The following PLAAT2 variants were observed in gnomAD, a reference collection of about 807,000 sequenced individuals.
PLAAT2 encodes HRAS like suppressor 2.
A neutral mutation model predicts 12.8 loss-of-function variants in PLAAT2; 12 were observed. The observed-to-expected ratio is 0.94, with a 90% confidence interval of 0.60 to 1.52. PLAAT2 has a LOEUF of 1.52. Ranked by LOEUF, PLAAT2 falls within the 40% of genes most tolerant of loss-of-function variation. The pLI is 0.00. For synonymous variants in PLAAT2, 79 were observed against 86.8 expected, an observed-to-expected ratio of 0.91 and a Z score of 0.50; for missense variants, 166 against 208.1, an observed-to-expected ratio of 0.80 and a Z score of 1.24.
At chr11:63,559,821 C>T (rs968264864) in intron 2 of PLAAT2, among the ~76,000 whole-genome samples, 3 of 152,226 alleles carry the variant, frequency 2.0e-5, no homozygotes, top group East Asian at 1.9e-4. Flanking sequence ...GGAGATCCCA[C>T]GGAGGGATGC....
chr11:63,555,868 T>C (rs1484569368), intron 3 of PLAAT2, among the ~76,000 whole-genome samples: 3 of 152,218 alleles, frequency 2.0e-5, no homozygotes, highest in African/African-American at 7.2e-5. Flanking sequence ...GTATCTATGT[T>C]TCAAAGGGAC....
chr11:63,557,853 C>T (rs962500547), intron 3 of PLAAT2, among the ~76,000 whole-genome samples: 1 of 152,174 alleles, frequency 6.6e-6, no homozygotes, highest in African/African-American at 2.4e-5. Context: ...CTCCTTATTG[C>T]CCCCGTTCCC....
At chr11:63,555,967 G>C (rs775082400) in intron 3 of PLAAT2, among the ~76,000 whole-genome samples, 10 of 152,200 alleles carry the variant, frequency 6.6e-5, no homozygotes, top group Admixed American at 1.3e-4. Flanking sequence ...AGAACAAATG[G>C]TAAATTCTCC....
intron 3 of PLAAT2, among the ~76,000 whole-genome samples, chr11:63,558,134 G>A (rs925061293): frequency 1.2e-4 from 19 of 152,156 alleles, no homozygotes; most frequent in Non-Finnish European, 5.9e-5. Flanking sequence ...CTAGGGCTGT[G>A]GAGGGCTGTT....
In PLAAT2 at chr11:63,563,335, A is replaced by G. The variant is rs753387043; in HGVS notation, c.-11T>C. The G allele has an allele frequency of 2.5e-6, 4 of 1,614,044 alleles. No individual in the cohort carries two copies. The highest frequency in any genetic ancestry group is 2.7e-5 in the African/African-American group (2 of 74,918). On this transcript the variant is annotated 5_prime_UTR_variant, in exon 1 of 4. Transcript: ENST00000255695. ...ACTTACCAAAGCCATCCTTCCTTCA[A>G]GATGATGTCTTGTGTGTTGCTGACT...
chr11:63,556,140 C>G (rs2017464335), intron 3 of PLAAT2, among the ~76,000 whole-genome samples: 1 of 152,096 alleles, frequency 6.6e-6, no homozygotes, highest in African/African-American at 2.4e-5. Context: ...TTTCACAAGT[C>G]CACTTTCTTA....
At chr11:63,553,862 C>T (rs1437569237) in intron 3 of PLAAT2, among the ~76,000 whole-genome samples, 1 of 152,276 alleles carries the variant, frequency 6.6e-6, no homozygotes, top group East Asian at 1.9e-4. Context: ...GCTGATCCCA[C>T]TGCCAGGCAC....
At chr11:63,555,121 C>T (rs1357297756) in intron 3 of PLAAT2, among the ~76,000 whole-genome samples, 3 of 152,110 alleles carry the variant, frequency 2.0e-5, no homozygotes, top group African/African-American at 7.2e-5. Context: ...TGCTAGCTGG[C>T]AATTATCAAA....
chr11:63,557,790 A>T (rs1054873257), intron 3 of PLAAT2, among the ~76,000 whole-genome samples: 1 of 152,178 alleles, frequency 6.6e-6, no homozygotes, highest in Non-Finnish European at 1.5e-5. Flanking sequence ...ACAATTGCCC[A>T]ACATGATCTG....
In PLAAT2 at chr11:63,552,886, G is replaced by C; in HGVS notation, c.*78C>G. ...TCATGAACACAAAACAGTAAAATCA[G>C]TAAACCAAACTCCACTCCTGCTGGC... On this transcript the variant is annotated 3_prime_UTR_variant, in exon 4 of 4. Transcript: ENST00000255695. 1.1e-6 allele frequency: 1 copy of C among 947,876 alleles called. No individual in the cohort carries two copies. 58.7% of individuals were successfully genotyped at this position (947,876 alleles called of 1,614,324 possible).
At chr11:63,557,267 C>T (rs182892306) in intron 3 of PLAAT2, among the ~76,000 whole-genome samples, 62 of 152,232 alleles carry the variant, frequency 4.1e-4, no homozygotes, top group African/African-American at 1.4e-3. Flanking sequence ...TGTGGTGGCT[C>T]ACACCTGTAA....
chr11:63,559,561 C>G (rs893749975), intron 2 of PLAAT2, among the ~76,000 whole-genome samples: 1 of 119,302 alleles, frequency 8.4e-6, no homozygotes, highest in African/African-American at 3.3e-5. Context: ...TGTCCATGCC[C>G]TCCAGCTTTA....
chr11:63,560,606 C>T (rs2017510643), intron 1 of PLAAT2, among the ~76,000 whole-genome samples: 1 of 152,190 alleles, frequency 6.6e-6, no homozygotes, highest in Non-Finnish European at 1.5e-5. Flanking sequence ...CAAGTGATTC[C>T]TACAAGTTCT....
intron 2 of PLAAT2, 34 bp from the exon 3 acceptor site, chr11:63,558,694 C>T (rs1161442298): frequency 1.4e-5 from 23 of 1,607,652 alleles, no homozygotes; most frequent in Non-Finnish European, 1.9e-5. Context: ...CTGGGCAGGG[C>T]CTGGGGGGCT....
At chr11:63,563,204 G>T in intron 1 of PLAAT2, 112 bp downstream of exon 1, 2 of 1,233,460 alleles carry the variant, frequency 1.6e-6, no homozygotes, top group South Asian at 1.3e-5. Context: ...CTCAGCATGT[G>T]CCCATGTGCC....
At chr11:63,564,592 C>T (rs1011532869), upstream of PLAAT2, among the ~76,000 whole-genome samples, 4 of 152,234 alleles carry the variant, frequency 2.6e-5, no homozygotes, top group Non-Finnish European at 2.9e-5. Context: ...TGTGGTCTTG[C>T]TCCCATGGAG....
At chr11:63,555,706 G>C (rs143727632) in intron 3 of PLAAT2, among the ~76,000 whole-genome samples, 34 of 152,226 alleles carry the variant, frequency 2.2e-4, no homozygotes, top group African/African-American at 6.3e-4. Context: ...ATGCTGTCTC[G>C]AAAATAAAAT....
intron 3 of PLAAT2, among the ~76,000 whole-genome samples, chr11:63,554,529 G>A (rs915728799): frequency 1.3e-5 from 2 of 151,854 alleles, no homozygotes; most frequent in Admixed American, 1.3e-4. Context: ...CTGGGAGGCT[G>A]AGGCAGGAGA....
At chr11:63,563,753 G>A (rs1463096828), upstream of PLAAT2, among the ~76,000 whole-genome samples, 1 of 148,260 alleles carries the variant, frequency 6.7e-6, no homozygotes, top group Non-Finnish European at 1.5e-5. Context: ...CATAGATCAA[G>A]GTTCATGTAA....
Sources: gnomAD v4.1 joint callset for allele counts (sites outside exome capture counted in the v4.1 genomes callset) on GRCh38, gnomAD v4.1.1 for gene constraint, MANE v1.5 for transcripts, NCBI Gene and HGNC (gene_info 2026-07-23, HGNC 2026-07-21) for gene names.